The following RHBDD1 variants were observed in gnomAD, a reference collection of about 807,000 sequenced individuals.
RHBDD1 encodes the protein rhomboid domain containing 1.
RHBDD1 carries 38 observed loss-of-function variants against 36.3 expected under a neutral mutation model. The observed-to-expected ratio is 1.05, with a 90% CI of 0.81 to 1.37. RHBDD1 has a LOEUF of 1.37. RHBDD1 is among the 40% of genes most tolerant of loss of function. The probability of loss-of-function intolerance (pLI) is 0.00; values close to 1 mark genes in which losing one functional copy is unlikely to be tolerated. For missense variants in RHBDD1, 393 were observed against 377.6 expected (o/e 1.04, Z -0.34); for synonymous variants, 151 against 136.5 (o/e 1.11, Z -0.74).
intron 8 of RHBDD1, among the ~76,000 whole-genome samples, chr2:226,938,465 A>G (rs1191476071): frequency 6.6e-6 from 1 of 152,180 alleles, no homozygotes; most frequent in Non-Finnish European, 1.5e-5. Context: ...CCACAGAAGT[A>G]CAAACAATAA....
intron 8 of RHBDD1, among the ~76,000 whole-genome samples, chr2:226,994,719 C>G (rs1959033789): frequency 6.6e-6 from 1 of 152,106 alleles, no homozygotes; most frequent in Non-Finnish European, 1.5e-5. Flanking sequence ...ATTTTTCTCC[C>G]TTTATTACTA....
intron 5 of RHBDD1, among the ~76,000 whole-genome samples, chr2:226,880,251 A>G (rs1182695262): frequency 6.6e-6 from 1 of 152,222 alleles, no homozygotes; most frequent in African/African-American, 2.4e-5. Context: ...TTAAATCAAC[A>G]TTCCAGGACT....
At chr2:226,836,413 C>T (rs1387144328) in intron 1 of RHBDD1, among the ~76,000 whole-genome samples, 1 of 152,194 alleles carries the variant, frequency 6.6e-6, no homozygotes, top group Non-Finnish European at 1.5e-5. Flanking sequence ...TTAAAGGGTT[C>T]CTTTTGAAAG....
chr2:226,908,433 A>C, intron 6 of RHBDD1: 1 of 184,138 alleles, frequency 5.4e-6, no homozygotes, highest in Admixed American at 5.5e-5. Context: ...GGTAGGGAGG[A>C]TGGCTCTCCT....
At chr2:226,941,630 A>G (rs771570328) in intron 8 of RHBDD1, among the ~76,000 whole-genome samples, 36 of 152,332 alleles carry the variant, frequency 2.4e-4, no homozygotes, top group Admixed American at 6.5e-4. Flanking sequence ...GAGCTCATCT[A>G]TTCTGGTCTT....
At chr2:226,805,960 C>A in the RHBDD1 span, among the ~76,000 whole-genome samples, 7 of 152,156 alleles carry the variant, frequency 4.6e-5, no homozygotes, top group African/African-American at 1.7e-4. Flanking sequence ...TCTCTATTCA[C>A]TTGGCAGGGT....
At position 226,903,387 on chromosome 2, in the gene RHBDD1, G is replaced by A. The variant is rs144436510; in HGVS notation, c.567-3406G>A. Among the ~76,000 whole-genome samples the A allele has an allele frequency of 5.1e-3, 778 of 152,216 alleles. 9 individuals are homozygous for A. Among genetic ancestry groups the A allele is most frequent in the Admixed American group, 0.015 (224 of 15,296 alleles). On this transcript the variant is annotated intron_variant, in intron 5 of 8. Transcript: ENST00000392062. ...AGGACGTGAATCATCTCTTTGCCCC[G>A]TGTGTCCATGCTGTCTCTGCTACCC... is the stretch of plus-strand genomic sequence containing the variant.
At chr2:226,995,252 T>C (rs1210135364) in intron 8 of RHBDD1, among the ~76,000 whole-genome samples, 179 bp from the exon 9 acceptor site, 7 of 152,194 alleles carry the variant, frequency 4.6e-5, no homozygotes, top group African/African-American at 1.7e-4. Context: ...TCTAAAAATA[T>C]TTACTTGACG....
Position 226,880,212 on chromosome 2 carries a change from C to T in RHBDD1, c.566+12894C>T, listed in dbSNP as rs895102028. On this transcript the variant is annotated intron_variant, in intron 5 of 8. Transcript: ENST00000392062. The stretch of plus-strand genomic sequence containing the variant: ...GATACCCTGTTTCATTTCATAGAAA[C>T]ATGTTTTCCTGGCTTGCTAGAGTTC... 1.3e-5 allele frequency among the ~76,000 whole-genome samples: 2 copies of T among 152,102 alleles called. 1 individual carries two copies. Among genetic ancestry groups the T allele is most frequent in the Admixed American group, 1.3e-4 (2 of 15,270 alleles).
intron 3 of RHBDD1, among the ~76,000 whole-genome samples, chr2:226,857,382 C>T (rs371946249): frequency 4.6e-5 from 7 of 151,978 alleles, no homozygotes; most frequent in African/African-American, 1.7e-4. Context: ...TTCACAGTTA[C>T]TCAGAAAGTT....
chr2:226,829,166 C>G, the RHBDD1 span, among the ~76,000 whole-genome samples: 2 of 152,098 alleles, frequency 1.3e-5, no homozygotes, highest in African/African-American at 4.8e-5. Context: ...ATTGCCTTAG[C>G]AATTTTGTTG....
intron 8 of RHBDD1, among the ~76,000 whole-genome samples, chr2:226,937,252 A>T (rs185663513): frequency 1.0e-3 from 159 of 152,282 alleles, no homozygotes; most frequent in Middle Eastern, 6.8e-3. Flanking sequence ...TTATGTTCTC[A>T]TTCAACAAAA....
Position 226,864,808 on chromosome 2 carries a change from A to G in RHBDD1, c.115A>G (p.Ile39Val), listed in dbSNP as rs1479511682. The G allele has an allele frequency of 1.2e-6, 2 of 1,614,186 alleles. No individual in the cohort carries two copies. Among genetic ancestry groups the G allele is most frequent in the Non-Finnish European group, 1.7e-6 (2 of 1,180,024 alleles). Residue 39 changes from isoleucine (I) to valine (V), a missense_variant, in exon 4 of 9, where the codon ATC (isoleucine) becomes GTC (valine). Transcript: ENST00000392062. ...CACCCTAGCAACTTTGGCCCTCAAC[A>G]TCTGGTTCTTCTTGAACCCTCAGAA... ...PVTLATLALN[I>V]WFFLNPQKPL... is the part of the protein sequence containing the mutation.
chr2:226,977,707 T>C (rs1954853420), intron 8 of RHBDD1, among the ~76,000 whole-genome samples: 1 of 152,228 alleles, frequency 6.6e-6, no homozygotes, highest in African/African-American at 2.4e-5. Context: ...GCAGCCCCTA[T>C]ATCAGGCTGC....
At chr2:226,800,734 G>A in the RHBDD1 span, among the ~76,000 whole-genome samples, 1 of 152,128 alleles carries the variant, frequency 6.6e-6, no homozygotes, top group African/African-American at 2.4e-5. Context: ...TGCAAATATT[G>A]GCTGAAATGT....
intron 8 of RHBDD1, among the ~76,000 whole-genome samples, chr2:226,995,101 A>G: frequency 6.6e-6 from 1 of 152,054 alleles, no homozygotes; most frequent in East Asian, 1.9e-4. Flanking sequence ...ATGGGCATAA[A>G]AAAAAAAAGA....
At chr2:226,986,074 C>T (rs1228494707) in intron 8 of RHBDD1, among the ~76,000 whole-genome samples, 6 of 152,188 alleles carry the variant, frequency 3.9e-5, no homozygotes, top group Non-Finnish European at 8.8e-5. Context: ...TATTCTTCAC[C>T]AAAACCCATA....
chr2:226,874,784 G>A (rs1159767258), intron 5 of RHBDD1, among the ~76,000 whole-genome samples: 2 of 152,122 alleles, frequency 1.3e-5, no homozygotes, highest in East Asian at 3.8e-4. Flanking sequence ...GTCTTTTGGG[G>A]AACCATTATT....
At chr2:226,908,618 C>CACAT (rs1553563498) in intron 6 of RHBDD1, 2 of 568,590 alleles carry the variant, frequency 3.5e-6, no homozygotes, top group East Asian at 3.0e-5. Context: ...CACACACACA[C>CACAT]ACATTCTTTT....
Sources: allele counts gnomAD v4.1 joint callset (sites outside exome capture counted in the v4.1 genomes callset), GRCh38; gene constraint gnomAD v4.1.1; transcripts MANE v1.5; gene names NCBI Gene and HGNC (gene_info 2026-07-23, HGNC 2026-07-21).